Variants in TASP1 observed in about 807,000 individuals in gnomAD.
The protein encoded by TASP1 is threonine aspartase 1.
TASP1 carries 16 observed loss-of-function variants against 56.6 expected under a neutral mutation model. The observed-to-expected ratio is 0.28, with a 90% CI of 0.19 to 0.43. The LOEUF is 0.43. TASP1 is among the 20% of genes least tolerant of loss of function. The probability of loss-of-function intolerance (pLI) is 1.00; values close to 1 mark genes in which losing one functional copy is unlikely to be tolerated. For synonymous variants in TASP1, 179 were observed against 184.2 expected (o/e 0.97, Z 0.23); for missense variants, 393 against 511.6 (o/e 0.77, Z 2.24).
intron 11 of TASP1, among the ~76,000 whole-genome samples, chr20:13,453,689 C>T (rs1383068220): frequency 6.6e-6 from 1 of 152,072 alleles, no homozygotes; most frequent in Non-Finnish European, 1.5e-5. Context: ...CTATTCATTA[C>T]ATACTGAACC....
the TASP1 span, chr20:13,168,886 T>A: frequency 6.6e-6 from 1 of 152,124 alleles, no homozygotes; most frequent in South Asian, 2.1e-4. Flanking sequence ...GTCTGTATTT[T>A]AAATATTTTT....
chr20:13,376,060 G>A, the TASP1 span, among the ~76,000 whole-genome samples: 12 of 152,000 alleles, frequency 7.9e-5, no homozygotes, highest in African/African-American at 2.4e-4. Context: ...ATTTTGCTGC[G>A]CAAAAGCTCT....
At chr20:13,112,469 T>A in the TASP1 span, among the ~76,000 whole-genome samples, 2 of 152,208 alleles carry the variant, frequency 1.3e-5, no homozygotes, top group African/African-American at 4.8e-5. Context: ...AAGTACATCA[T>A]GAGGCCAGCC....
chr20:13,252,932 C>G, the TASP1 span, among the ~76,000 whole-genome samples: 3 of 152,142 alleles, frequency 2.0e-5, no homozygotes, highest in Admixed American at 6.5e-5. Context: ...GGTCCCCAGC[C>G]CCCCCTCTCA....
intron 11 of TASP1, among the ~76,000 whole-genome samples, chr20:13,477,489 A>G (rs1241782147): frequency 6.6e-6 from 1 of 152,178 alleles, no homozygotes; most frequent in East Asian, 1.9e-4. Context: ...GTACCATGAT[A>G]TTAGTCGTTA....
chr20:13,228,071 C>T, the TASP1 span, among the ~76,000 whole-genome samples: 1 of 149,942 alleles, frequency 6.7e-6, no homozygotes, highest in African/African-American at 2.5e-5. Flanking sequence ...CTCCCGGGTT[C>T]AAGCGATTCT....
the TASP1 span, among the ~76,000 whole-genome samples, chr20:13,170,929 G>A: frequency 3.9e-5 from 6 of 152,154 alleles, no homozygotes; most frequent in Non-Finnish European, 7.4e-5. Context: ...TAATGGCTTC[G>A]CTGTGATGAA....
At chr20:13,258,960 C>A in the TASP1 span, among the ~76,000 whole-genome samples, 2 of 152,088 alleles carry the variant, frequency 1.3e-5, no homozygotes, top group African/African-American at 2.4e-5. Flanking sequence ...GATGTTAAAA[C>A]CTTACAGATG....
intron 1 of TASP1, among the ~76,000 whole-genome samples, chr20:13,631,962 G>A (rs2049101903): frequency 6.6e-6 from 1 of 151,778 alleles, no homozygotes; most frequent in Non-Finnish European, 1.5e-5. Context: ...CTGAGGCAGA[G>A]AATTCCTTGA....
At chr20:13,119,659 TCTTCC>T in the TASP1 span, among the ~76,000 whole-genome samples, 5 of 151,908 alleles carry the variant, frequency 3.3e-5, no homozygotes, top group Non-Finnish European at 5.9e-5. Flanking sequence ...CTCTGTCTTC[TCTTCC>T]CTTCATGTTA....
the TASP1 span, among the ~76,000 whole-genome samples, chr20:13,337,852 A>G: frequency 3.9e-5 from 6 of 152,196 alleles, no homozygotes; most frequent in South Asian, 1.2e-3. Flanking sequence ...CGTGTTATAA[A>G]TAGGAATTTG....
the TASP1 span, among the ~76,000 whole-genome samples, chr20:13,336,305 T>C: frequency 6.6e-6 from 1 of 152,184 alleles, no homozygotes; most frequent in Non-Finnish European, 1.5e-5. Flanking sequence ...GAATTTGTTT[T>C]GTAAGTAAAG....
Position 13,587,319 on chromosome 20 carries a change from C to T in TASP1, c.334G>A (p.Glu112Lys). 1.2e-6 allele frequency: 2 copies of T among 1,612,764 alleles called. No homozygotes were observed. Among genetic ancestry groups the T allele is most frequent in the Admixed American group, 1.7e-5 (1 of 59,816 alleles). ...ATTATGCTGGCATCACACTCAATTTCACCTAACAGATTTAGATTAGATCCC... is the reference window on the plus strand; with the variant it reads ...ATTATGCTGGCATCACACTCAATTTTACCTAACAGATTTAGATTAGATCCC... The part of the protein sequence containing the change: ...GMGSNLNLLG[E>K]IECDASIMDG... Residue 112 changes from glutamate to lysine, a missense_variant, in exon 5 of 14, where the codon GAA (glutamate) becomes AAA (lysine). Physicochemically the swap from Glu to Lys is moderately conservative, Grantham distance 56. This residue lies in a region of TASP1 where 48 missense variants were observed against 106.2 expected (regional missense o/e 0.45). Transcript: ENST00000337743.
chr20:13,472,755 C>G (rs2044560658), intron 11 of TASP1, among the ~76,000 whole-genome samples: 1 of 151,170 alleles, frequency 6.6e-6, no homozygotes, highest in African/African-American at 2.4e-5. Flanking sequence ...CACTGCTCAT[C>G]AGAGAAATAC....
At chr20:13,140,249 C>CAA in the TASP1 span, among the ~76,000 whole-genome samples, 1 of 152,036 alleles carries the variant, frequency 6.6e-6, no homozygotes, top group African/African-American at 2.4e-5. Context: ...TTAAAAATTG[C>CAA]AATTTAAAAA....
intron 9 of TASP1, 119 bp downstream of exon 9, chr20:13,533,903 A>G: frequency 8.1e-7 from 1 of 1,229,842 alleles, no homozygotes; most frequent in Non-Finnish European, 1.1e-6. Flanking sequence ...CTACATGTTA[A>G]AAAACAATGA....
chr20:13,456,361 C>G (rs902950792), intron 11 of TASP1, among the ~76,000 whole-genome samples: 7 of 152,208 alleles, frequency 4.6e-5, no homozygotes, highest in Admixed American at 4.6e-4. Flanking sequence ...CTGCTCACTC[C>G]TCTCATCAAA....
chr20:13,591,865 A>G (rs1568623322), intron 4 of TASP1, among the ~76,000 whole-genome samples: 1 of 152,194 alleles, frequency 6.6e-6, no homozygotes, highest in Non-Finnish European at 1.5e-5. Context: ...ATGAAGGCCT[A>G]TAATATTAAT....
At chr20:13,111,474 C>A in the TASP1 span, among the ~76,000 whole-genome samples, 1 of 152,132 alleles carries the variant, frequency 6.6e-6, no homozygotes, top group African/African-American at 2.4e-5. Context: ...TGGGACAGCC[C>A]CTACAACACA....
Sources: allele counts gnomAD v4.1 joint callset (sites outside exome capture counted in the v4.1 genomes callset), GRCh38; gene constraint gnomAD v4.1.1; regional missense constraint gnomAD v4.1.1; transcripts MANE v1.5; gene names NCBI Gene and HGNC (gene_info 2026-07-23, HGNC 2026-07-21).